Variants in TRPM1 observed in about 807,000 individuals in gnomAD.
The protein encoded by TRPM1 is TRPM1-203 APA Isoform, Intron 10.
A neutral mutation model predicts 149.4 loss-of-function variants in TRPM1; 113 were observed. That is an observed-to-expected ratio of 0.76 (90% CI 0.65 to 0.88). TRPM1 has a LOEUF of 0.88. TRPM1 is among the 40% of genes least tolerant of loss of function. The pLI is 0.00. For synonymous variants in TRPM1, 741 were observed against 759.5 expected, an observed-to-expected ratio of 0.98 and a Z score of 0.40; for missense variants, 1,976 against 2,038.7, an observed-to-expected ratio of 0.97 and a Z score of 0.59.
chr15:31,125,988 C>T (rs542733936), intron 1 of TRPM1, among the ~76,000 whole-genome samples: 5 of 151,318 alleles, frequency 3.3e-5, no homozygotes, highest in East Asian at 2.0e-4. Flanking sequence ...AAAAAATAGC[C>T]GGGCATGGTG....
At chr15:31,149,522 C>CTTTT (rs1274436890) in intron 1 of TRPM1, among the ~76,000 whole-genome samples, 2 of 113,386 alleles carry the variant, frequency 1.8e-5, no homozygotes, top group African/African-American at 7.0e-5. Flanking sequence ...GCATCTCTCT[C>CTTTT]TCTCTTTTTT....
intron 1 of TRPM1, among the ~76,000 whole-genome samples, chr15:31,100,119 G>A (rs1194299518): frequency 1.6e-4 from 23 of 144,184 alleles, no homozygotes; most frequent in Non-Finnish European, 2.9e-4. Context: ...TCACTCTGTC[G>A]CCCAGGCTGG....
chr15:31,041,878 C>T (rs1347127236), intron 17 of TRPM1, 73 bp downstream of exon 17: 1 of 1,541,990 alleles, frequency 6.5e-7, no homozygotes, highest in Non-Finnish European at 9.0e-7. Flanking sequence ...GTACATTGGC[C>T]ACCCCTCCCT....
Position 31,067,890 on chromosome 15 carries a change from C to T in TRPM1, c.482G>A (p.Gly161Asp), listed in dbSNP as rs1356608575. 1.8e-5 allele frequency: 29 copies of T among 1,612,712 alleles called. No homozygotes were observed. The highest frequency in any genetic ancestry group is 2.3e-5 in the Non-Finnish European group (27 of 1,179,868). The change falls in exon 5 of 28, where the codon GGT becomes GAT. Residue 161 changes from glycine (G) to aspartate (D), a missense_variant. Physicochemically the swap from Gly to Asp is moderately conservative, Grantham distance 94. Around this residue, in one of 3 missense-constraint regions of TRPM1, gnomAD observed 1,332 missense variants for 1,347.1 expected, o/e 0.99. Coordinates refer to ENST00000256552, the MANE Select transcript of TRPM1 (RefSeq NM_001252024.2). ...GGGCCTGCTCTTACCTGTGCTGACA[C>T]CCCCGGTGAAGATCCAGGCCCCGGT... ...MTTGAWIFTG[G>D]VSTGVISHVG...
chr15:31,056,295 T>A (rs1036455312), intron 11 of TRPM1, among the ~76,000 whole-genome samples: 3 of 152,214 alleles, frequency 2.0e-5, no homozygotes, highest in Non-Finnish European at 4.4e-5. Flanking sequence ...GATTCAGGTC[T>A]TCAGCATAAA....
chr15:31,113,363 A>G (rs1478923750), intron 1 of TRPM1, among the ~76,000 whole-genome samples: 1 of 151,994 alleles, frequency 6.6e-6, no homozygotes, highest in Non-Finnish European at 1.5e-5. Context: ...GCCACCATGG[A>G]CTGTCACAAC....
At chr15:31,072,645 T>A (rs1468031634) in intron 3 of TRPM1, among the ~76,000 whole-genome samples, 1 of 152,178 alleles carries the variant, frequency 6.6e-6, no homozygotes, top group Non-Finnish European at 1.5e-5. Flanking sequence ...CCACCAGCAG[T>A]GTCTGAGGGT....
intron 22 of TRPM1, 128 bp downstream of exon 22, chr15:31,032,561 T>G: frequency 9.3e-7 from 1 of 1,080,632 alleles, no homozygotes; most frequent in South Asian, 1.3e-5. Context: ...GCAAAGAATA[T>G]TTCCTTTAAA....
chr15:31,049,346 G>T (rs760659119), intron 13 of TRPM1, 29 bp downstream of exon 13: 3 of 1,613,880 alleles, frequency 1.9e-6, no homozygotes, highest in Non-Finnish European at 2.5e-6. Flanking sequence ...GCTGCCTCCC[G>T]CTTCCTTCCC....
At chr15:31,111,349 C>T (rs377748450) in intron 1 of TRPM1, among the ~76,000 whole-genome samples, 1 of 152,190 alleles carries the variant, frequency 6.6e-6, no homozygotes, top group South Asian at 2.1e-4. Flanking sequence ...TTGCTGGGAC[C>T]TAATGGAGGA....
At chr15:31,067,280 A>G (rs1355333999) in intron 5 of TRPM1, 93 bp from the exon 6 acceptor site, 3 of 1,571,012 alleles carry the variant, frequency 1.9e-6, no homozygotes, top group South Asian at 1.1e-5. Context: ...GAGTCCCTAC[A>G]TTCCCTACAG....
chr15:31,041,722 T>C (rs2033623158), intron 17 of TRPM1, among the ~76,000 whole-genome samples: 1 of 152,206 alleles, frequency 6.6e-6, no homozygotes, highest in African/African-American at 2.4e-5. Context: ...AAAAAAATTG[T>C]GTTTCAATTT....
intron 1 of TRPM1, among the ~76,000 whole-genome samples, chr15:31,132,004 TG>T (rs2036022597): frequency 6.6e-6 from 1 of 152,240 alleles, no homozygotes; most frequent in Admixed American, 6.5e-5. Flanking sequence ...CCTGCTTTCC[TG>T]GGATCAAGGT....
chr15:31,059,781 T>C (rs2034175653), intron 11 of TRPM1, among the ~76,000 whole-genome samples: 1 of 152,144 alleles, frequency 6.6e-6, no homozygotes. Context: ...CAGAGCCCTT[T>C]TTGCAAACAC....
At chr15:31,117,573 G>A (rs1334951315) in intron 1 of TRPM1, among the ~76,000 whole-genome samples, 4 of 151,378 alleles carry the variant, frequency 2.6e-5, no homozygotes, top group South Asian at 2.1e-4. Flanking sequence ...GCTTGAACCC[G>A]GTAGGTGGAG....
At chr15:31,050,613 T>C (rs760741201) in intron 11 of TRPM1, 31 bp from the exon 12 acceptor site, 3 of 1,613,180 alleles carry the variant, frequency 1.9e-6, no homozygotes, top group Non-Finnish European at 2.5e-6. Flanking sequence ...AGTTGGGAAA[T>C]GGTACTAAGG....
intron 18 of TRPM1, 43 bp from the exon 19 acceptor site, chr15:31,038,209 A>G: frequency 1.9e-6 from 3 of 1,610,170 alleles, no homozygotes; most frequent in Non-Finnish European, 2.5e-6. Context: ...GCAATTCTAG[A>G]AAAATGTCCC....
rs1418325776 is a variant in TRPM1 at position 31,047,157 on chromosome 15, C to T, written c.1718G>A (p.Arg573Gln). The T allele has an allele frequency of 1.2e-6, 2 of 1,614,188 alleles. No homozygotes were observed. Among genetic ancestry groups the T allele is most frequent in the Admixed American group, 1.7e-5 (1 of 60,012 alleles). The stretch of plus-strand genomic sequence containing the variant: ...GTTGTAAAGGGTCCGAAAGTTTTTC[C>T]GAGTGTAGTTGCAGCGGTAGGCTCC... ...MGGAYRCNYT[R>Q]KNFRTLYNNL... The change falls in exon 15 of 28, where the codon CGG becomes CAG. Residue 573 changes from arginine to glutamine, a missense_variant. By Grantham distance (43) the Arg-to-Gln change is conservative. Coordinates refer to ENST00000256552, the MANE Select transcript of TRPM1 (RefSeq NM_001252024.2).
At chr15:31,086,642 G>C (rs2035008576) in intron 1 of TRPM1, among the ~76,000 whole-genome samples, 1 of 152,156 alleles carries the variant, frequency 6.6e-6, no homozygotes, top group South Asian at 2.1e-4. Context: ...ACTCCTCCCT[G>C]TCTCCTCCCC....
Sources: allele counts gnomAD v4.1 joint callset (sites outside exome capture counted in the v4.1 genomes callset), GRCh38; gene constraint gnomAD v4.1.1; regional missense constraint gnomAD v4.1.1; transcripts MANE v1.5; gene names NCBI Gene and HGNC (gene_info 2026-07-23, HGNC 2026-07-21).